The following RPTOR variants were observed in gnomAD, a reference collection of about 807,000 sequenced individuals.
The protein encoded by RPTOR is regulatory associated protein of MTOR complex 1.
In RPTOR, 21 loss-of-function variants were observed where a neutral mutation model predicts 169.9. The ratio of observed to expected loss-of-function variants is 0.12; its 90% CI spans 0.09 to 0.18. The LOEUF is 0.18. Among genes scored for constraint, RPTOR ranks in the 10% least tolerant of loss-of-function variants. RPTOR has a pLI of 1.00. For synonymous variants in RPTOR, 732 were observed against 753.2 expected (o/e 0.97, Z 0.46); for missense variants, 1,133 against 1,855.9 (o/e 0.61, Z 7.16).
intron 5 of RPTOR, among the ~76,000 whole-genome samples, chr17:80,742,634 C>G (rs2066493885): frequency 6.6e-6 from 1 of 151,736 alleles, no homozygotes; most frequent in Non-Finnish European, 1.5e-5. Flanking sequence ...CGCACATATA[C>G]ATACATGTCC....
At chr17:80,770,858 A>G (rs1374294655) in intron 6 of RPTOR, among the ~76,000 whole-genome samples, 1 of 152,022 alleles carries the variant, frequency 6.6e-6, no homozygotes, top group East Asian at 1.9e-4. Flanking sequence ...AAGCCCACCC[A>G]CCTCTTTCCT....
chr17:80,865,927 C>T (rs1017798638), intron 13 of RPTOR, among the ~76,000 whole-genome samples: 4 of 152,122 alleles, frequency 2.6e-5, no homozygotes, highest in Non-Finnish European at 5.9e-5. Context: ...GCCTTACAGG[C>T]GTGTTCTACA....
At chr17:80,873,347 C>T (rs2068072040) in intron 13 of RPTOR, among the ~76,000 whole-genome samples, 1 of 152,062 alleles carries the variant, frequency 6.6e-6, no homozygotes, top group South Asian at 2.1e-4. Context: ...GATGTTTCTC[C>T]ACAGCCCAAA....
At chr17:80,610,631 G>A (rs975312632) in intron 1 of RPTOR, among the ~76,000 whole-genome samples, 2 of 152,108 alleles carry the variant, frequency 1.3e-5, no homozygotes, top group African/African-American at 2.4e-5. Context: ...GGGAGTGAAT[G>A]GGAAGGGAAA....
intron 3 of RPTOR, among the ~76,000 whole-genome samples, chr17:80,653,917 C>T (rs2065660033): frequency 6.6e-6 from 1 of 152,228 alleles, no homozygotes; most frequent in Non-Finnish European, 1.5e-5. Context: ...AGCTCTCTGC[C>T]CACTGCATTG....
intron 3 of RPTOR, among the ~76,000 whole-genome samples, chr17:80,697,842 A>T (rs1233336819): frequency 1.3e-5 from 2 of 152,094 alleles, no homozygotes; most frequent in African/African-American, 4.8e-5. Context: ...GGGGACTTGG[A>T]GAGGGGTCAT....
At position 80,746,905 on chromosome 17, in the gene RPTOR, G is replaced by A. The variant is rs1320103371; in HGVS notation, c.655-7105G>A. Among the ~76,000 whole-genome samples the A allele has an allele frequency of 7.0e-6, 1 of 143,614 alleles. No homozygotes were observed. The highest frequency in any genetic ancestry group is 2.1e-4 in the East Asian group (1 of 4,676). 94.2% of individuals were successfully genotyped at this position (143,614 alleles called of 152,430 possible). On this transcript the variant is annotated intron_variant, in intron 5 of 33. Coordinates refer to ENST00000306801, the MANE Select transcript of RPTOR (RefSeq NM_020761.3). This position sits in a 1 kb window ranked among gnomAD's most constrained non-coding sequence, Gnocchi z 4.5. ...ATTGGCAGAACCCTTTGGCTTGAATGTCAGGATGTTTTTTAAAAATGCTAG... is the reference window on the plus strand; with the variant it reads ...ATTGGCAGAACCCTTTGGCTTGAATATCAGGATGTTTTTTAAAAATGCTAG...
chr17:80,949,965 C>A (rs1275635308), intron 28 of RPTOR, among the ~76,000 whole-genome samples: 1 of 152,262 alleles, frequency 6.6e-6, no homozygotes, highest in Non-Finnish European at 1.5e-5. Context: ...CCATCTGGGG[C>A]CTCACGCGCT....
intron 6 of RPTOR, among the ~76,000 whole-genome samples, chr17:80,768,108 C>A (rs532518536): frequency 4.6e-5 from 7 of 152,242 alleles, no homozygotes; most frequent in African/African-American, 1.4e-4. Context: ...GTGATCCGCC[C>A]GCCTCGGCCT....
chr17:80,629,764 T>C (rs901691117), intron 2 of RPTOR, among the ~76,000 whole-genome samples: 24 of 150,970 alleles, frequency 1.6e-4, no homozygotes, highest in Non-Finnish European at 3.5e-4. Context: ...TATTGTGTTG[T>C]TGGACATTGT....
chr17:80,884,344 G>A (rs1180341537), intron 16 of RPTOR, among the ~76,000 whole-genome samples: 1 of 152,244 alleles, frequency 6.6e-6, no homozygotes. Context: ...CTCGTGCCTG[G>A]TGCAGCTGGG....
chr17:80,558,872 T>C (rs2084443686), intron 1 of RPTOR, among the ~76,000 whole-genome samples: 1 of 152,160 alleles, frequency 6.6e-6, no homozygotes, highest in Non-Finnish European at 1.5e-5. Flanking sequence ...CTGTGTAGCC[T>C]ACCTTAATCT....
At position 80,964,404 on chromosome 17, in the gene RPTOR, G is replaced by T; in HGVS notation, c.*74G>T. The T allele has an allele frequency of 6.8e-7, 1 of 1,477,812 alleles. No individual in the cohort carries two copies. Among genetic ancestry groups the T allele is most frequent in the South Asian group, 1.1e-5 (1 of 88,512 alleles). The allele number at this position is 1,477,812 out of a possible 1,614,324, so 91.5% of individuals were successfully genotyped here. On this transcript the variant is annotated 3_prime_UTR_variant, in exon 34 of 34. Transcript: ENST00000306801. ...AAGCTGTCACTCGCCGGGGCACGGGGCGTCGGCTGCTGCGGCCCCGCAGTG... is the reference window on the plus strand; with the variant it reads ...AAGCTGTCACTCGCCGGGGCACGGGTCGTCGGCTGCTGCGGCCCCGCAGTG...
chr17:80,602,707 C>T, intron 1 of RPTOR: 4 of 755,704 alleles, frequency 5.3e-6, no homozygotes, highest in South Asian at 1.4e-5. Flanking sequence ...ATTCCTTTGG[C>T]CCAGACAGCT....
chr17:80,743,347 A>C (rs2066503938), intron 5 of RPTOR: 1 of 985,368 alleles, frequency 1.0e-6, no homozygotes, highest in Non-Finnish European at 1.2e-6. Flanking sequence ...TGCAGAGAAG[A>C]AGCCACAAGG....
At chr17:80,825,458 G>C (rs555294760) in intron 9 of RPTOR, among the ~76,000 whole-genome samples, 1 of 147,604 alleles carries the variant, frequency 6.8e-6, no homozygotes, top group African/African-American at 2.5e-5. Context: ...ATTTATATCA[G>C]TGCTGCTTTA....
chr17:80,627,836 ATTTT>A (rs34155053), intron 2 of RPTOR, among the ~76,000 whole-genome samples: 2 of 139,646 alleles, frequency 1.4e-5, no homozygotes, highest in Non-Finnish European at 1.6e-5. Context: ...GTATGTTTAA[ATTTT>A]TTTTTTTTTT....
chr17:80,895,748 ACT>A (rs1167793155), intron 20 of RPTOR, among the ~76,000 whole-genome samples: 5 of 151,962 alleles, frequency 3.3e-5, no homozygotes, highest in African/African-American at 7.3e-5. Context: ...CCATCTCGCC[ACT>A]CTCTACCACG....
At chr17:80,618,074 G>C (rs12936815) in intron 1 of RPTOR, among the ~76,000 whole-genome samples, 1 of 151,240 alleles carries the variant, frequency 6.6e-6, no homozygotes, top group Non-Finnish European at 1.5e-5. Flanking sequence ...TCCGCCTCCC[G>C]GGTTCAAGCA....
Sources: gnomAD v4.1 joint callset for allele counts (sites outside exome capture counted in the v4.1 genomes callset) on GRCh38, gnomAD v4.1.1 for gene constraint, Gnocchi (gnomAD v3.1) non-coding constraint, MANE v1.5 for transcripts, NCBI Gene and HGNC (gene_info 2026-07-23, HGNC 2026-07-21) for gene names.